DOT1L: variants seen among roughly 807,000 people sequenced by gnomAD.
DOT1L encodes histone-lysine N-methyltransferase, H3 lysine-79 specific.
DOT1L carries 33 observed loss-of-function variants against 153.3 expected under a neutral mutation model. The ratio of observed to expected loss-of-function variants is 0.22; its 90% CI spans 0.16 to 0.29. The LOEUF is 0.29. Ranked by LOEUF, DOT1L falls within the 10% of genes least tolerant of loss-of-function variation. The pLI is 1.00. For synonymous variants in DOT1L, 1,135 were observed against 965.1 expected, an observed-to-expected ratio of 1.18 and a Z score of -3.26; for missense variants, 1,847 against 2,119.9, an observed-to-expected ratio of 0.87 and a Z score of 2.53.
At chr19:2,218,047 G>A (rs1395489162) in intron 22 of DOT1L, 129 bp downstream of exon 22, 16 of 1,366,770 alleles carry the variant, frequency 1.2e-5, no homozygotes, top group Non-Finnish European at 1.5e-5. Context: ...TGCAGTCAAG[G>A]TGGGCTGTCC....
chr19:2,218,641 C>A (rs1264837005), intron 22 of DOT1L, among the ~76,000 whole-genome samples: 1 of 152,018 alleles, frequency 6.6e-6, no homozygotes, highest in Non-Finnish European at 1.5e-5. Flanking sequence ...GATCCGCCCG[C>A]CTGGGCCTCC....
chr19:2,187,198 G>T lies in DOT1L; in HGVS notation c.200+1269G>T, dbSNP rs149949550. ...ACCTAGAAGTTCCCAGGGATCAGGA[G>T]CTTTGTTAGGAACTAGAGTCCCCTC... On this transcript the variant is annotated intron_variant, in intron 3 of 27. Coordinates refer to ENST00000398665, the MANE Select transcript of DOT1L (RefSeq NM_032482.3). Among the ~76,000 whole-genome samples the T allele has an allele frequency of 8.9e-3, 1,359 of 152,358 alleles. 11 individuals carry two copies. Among genetic ancestry groups the T allele is most frequent in the Non-Finnish European group, 0.016 (1,075 of 68,040 alleles).
intron 1 of DOT1L, among the ~76,000 whole-genome samples, chr19:2,169,708 A>T (rs534066832): frequency 1.3e-5 from 2 of 152,162 alleles, no homozygotes; most frequent in Admixed American, 6.5e-5. Context: ...ATCAGAGTGT[A>T]TATTTGGGGT....
intron 1 of DOT1L, among the ~76,000 whole-genome samples, chr19:2,177,998 C>T (rs1220812021): frequency 1.3e-5 from 2 of 151,780 alleles, no homozygotes; most frequent in Non-Finnish European, 2.9e-5. Context: ...TCTCAGCTCA[C>T]TGCAACCTCT....
In DOT1L at chr19:2,222,904, C is replaced by A. The variant is rs1789726683; in HGVS notation, c.3390+345C>A. On this transcript the variant is annotated intron_variant, in intron 24 of 27. Transcript: ENST00000398665. The surrounding 1 kb of genome is among the most constrained non-coding windows in gnomAD (Gnocchi z 6.5). ...GGACAAAAAAAAACACAAAAAAAAACAGGTGGAGGCAGGGGGCCATGACTG... is the reference window on the plus strand; with the variant it reads ...GGACAAAAAAAAACACAAAAAAAAAAAGGTGGAGGCAGGGGGCCATGACTG... 2 of 389,014 alleles carry A rather than the reference C, an allele frequency of 5.1e-6. No homozygotes were observed. The highest frequency in any genetic ancestry group is 4.4e-5 in the East Asian group (1 of 22,618). 24.1% of individuals were successfully genotyped at this position (389,014 alleles called of 1,614,324 possible).
Position 2,193,408 on chromosome 19 carries a change from A to G in DOT1L, c.494-281A>G, listed in dbSNP as rs2022882098. ...TCTGTCTGAACAGTGAACATCACAT[A>G]GGGCCCTGAGACTCAAAATGGATTC... is the stretch of plus-strand genomic sequence containing the variant. On this transcript the variant is annotated intron_variant, in intron 5 of 27. Coordinates refer to ENST00000398665, the MANE Select transcript of DOT1L (RefSeq NM_032482.3). This position sits in a 1 kb window ranked among gnomAD's most constrained non-coding sequence, Gnocchi z 5.9. 2.0e-5 allele frequency among the ~76,000 whole-genome samples: 3 copies of G among 152,206 alleles called. No individual in the cohort carries two copies. The highest frequency in any genetic ancestry group is 4.8e-5 in the African/African-American group (2 of 41,454).
rs2023065708 is a variant in DOT1L, at chr19:2,197,354, C to G, written c.652-2530C>G. On this transcript the variant is annotated intron_variant, in intron 7 of 27. Transcript: ENST00000398665. This position sits in a 1 kb window ranked among gnomAD's most constrained non-coding sequence, Gnocchi z 4.1. ...TGGGTTCCTGGCTGTGGCAGGCGAG[C>G]CACACAGATCCCAGCACAGAGGATG... is the stretch of plus-strand genomic sequence containing the variant. 6.6e-6 allele frequency among the ~76,000 whole-genome samples: 1 copy of G among 152,196 alleles called. No individual in the cohort carries two copies. Among genetic ancestry groups the G allele is most frequent in the Admixed American group, 6.5e-5 (1 of 15,286 alleles).
At chr19:2,174,788 A>T (rs1450108559) in intron 1 of DOT1L, among the ~76,000 whole-genome samples, 2 of 121,834 alleles carry the variant, frequency 1.6e-5, no homozygotes, top group East Asian at 2.0e-4. Context: ...CCAGCTAGTT[A>T]AAAAAAAAAA....
At chr19:2,206,059 C>G (rs1157560086) in intron 9 of DOT1L, among the ~76,000 whole-genome samples, 1 of 150,534 alleles carries the variant, frequency 6.6e-6, no homozygotes, top group Admixed American at 6.6e-5. Flanking sequence ...TGCAGTGGCG[C>G]GATCTCGACT....
chr19:2,191,904 C>A lies in DOT1L; in HGVS notation c.493+664C>A, dbSNP rs1217501921. On this transcript the variant is annotated intron_variant, in intron 5 of 27. Coordinates refer to ENST00000398665, the MANE Select transcript of DOT1L (RefSeq NM_032482.3). This position sits in a 1 kb window ranked among gnomAD's most constrained non-coding sequence, Gnocchi z 6.8. ...CCTTGAAACGAGGCCCTAGGTGTGT[C>A]TTCAGCAGCAGCGTGGCCTGGCTGA... 6.6e-6 allele frequency among the ~76,000 whole-genome samples: 1 copy of A among 152,216 alleles called. No individual in the cohort carries two copies. The highest frequency in any genetic ancestry group is 6.5e-5 in the Admixed American group (1 of 15,292).
chr19:2,172,793 C>T (rs577935551), intron 1 of DOT1L, among the ~76,000 whole-genome samples: 13 of 152,170 alleles, frequency 8.5e-5, no homozygotes, highest in African/African-American at 2.9e-4. Context: ...TGAGCCACTG[C>T]GCCTGGCAAT....
At chr19:2,175,287 C>T (rs2021870673) in intron 1 of DOT1L, among the ~76,000 whole-genome samples, 1 of 152,046 alleles carries the variant, frequency 6.6e-6, no homozygotes, top group African/African-American at 2.4e-5. Context: ...AGGCGTGAGC[C>T]ATGGCGCCTG....
intron 27 of DOT1L, chr19:2,228,128 G>T (rs771156491): frequency 1.5e-6 from 2 of 1,363,392 alleles, no homozygotes; most frequent in African/African-American, 3.0e-5. Context: ...CCTCTCTGCC[G>T]CCTGCTAACG....
At chr19:2,219,923 C>T (rs764266398) in intron 22 of DOT1L, among the ~76,000 whole-genome samples, 185 bp from the exon 23 acceptor site, 17 of 152,228 alleles carry the variant, frequency 1.1e-4, no homozygotes, top group Non-Finnish European at 1.9e-4. Context: ...CGCGCACTCT[C>T]GCTGCGCCAC....
chr19:2,186,744 C>A (rs1182809364), intron 3 of DOT1L, among the ~76,000 whole-genome samples: 2 of 152,376 alleles, frequency 1.3e-5, no homozygotes, highest in African/African-American at 4.8e-5. Context: ...TGGTGCCCCA[C>A]AGGCAGACAA....
intron 1 of DOT1L, among the ~76,000 whole-genome samples, chr19:2,165,044 C>T (rs1438777770): frequency 2.6e-5 from 4 of 152,222 alleles, no homozygotes; most frequent in Non-Finnish European, 5.9e-5. Flanking sequence ...CAGAGGCACC[C>T]CACCGGGTGG....
chr19:2,206,654 C>T (rs2023507574), intron 9 of DOT1L, 75 bp from the exon 10 acceptor site: 2 of 1,459,746 alleles, frequency 1.4e-6, no homozygotes, highest in South Asian at 1.1e-5. Context: ...ATTGTTCCTT[C>T]TCTGTCACCT....
At chr19:2,202,922 CT>C (rs1254084110) in intron 9 of DOT1L, 143 bp downstream of exon 9, 17 of 694,204 alleles carry the variant, frequency 2.4e-5, no homozygotes, top group South Asian at 3.8e-5. Context: ...TTCCTTTATG[CT>C]TTTTTTTCTT....
intron 25 of DOT1L, 34 bp from the exon 26 acceptor site, chr19:2,225,354 G>C: frequency 6.3e-7 from 1 of 1,598,598 alleles, no homozygotes; most frequent in Non-Finnish European, 8.6e-7. Flanking sequence ...ATGCAGCTGG[G>C]TTTCAAGCAT....
Sources: gnomAD v4.1 joint callset for allele counts (sites outside exome capture counted in the v4.1 genomes callset) on GRCh38, gnomAD v4.1.1 for gene constraint, Gnocchi (gnomAD v3.1) non-coding constraint, MANE v1.5 for transcripts, NCBI Gene and HGNC (gene_info 2026-07-23, HGNC 2026-07-21) for gene names.